ANKRD42: variants seen among roughly 807,000 people sequenced by gnomAD.
ANKRD42 encodes ankyrin repeat domain-containing protein 42.
A neutral mutation model predicts 51.5 loss-of-function variants in ANKRD42; 43 were observed. The ratio of observed to expected loss-of-function variants is 0.83; its 90% CI spans 0.65 to 1.08. The LOEUF is 1.08. Ranked by LOEUF, ANKRD42 falls within the 50% of genes least tolerant of loss-of-function variation. The pLI is 0.00. For missense variants in ANKRD42, 608 were observed against 629.3 expected, an observed-to-expected ratio of 0.97 and a Z score of 0.36; for synonymous variants, 203 against 213.0, an observed-to-expected ratio of 0.95 and a Z score of 0.41.
At chr11:83,262,263 A>T (rs111804832), downstream of ANKRD42, among the ~76,000 whole-genome samples, 304 of 152,278 alleles carry the variant, frequency 2.0e-3, no homozygotes, top group African/African-American at 7.0e-3. Flanking sequence ...AAATAATTAT[A>T]AGCTCTAATT....
rs757252918 is a variant in ANKRD42 at position 83,248,061 on chromosome 11, A to G, written c.1441A>G (p.Ile481Val). The G allele has an allele frequency of 6.3e-7, 1 of 1,594,220 alleles. No individual in the cohort carries two copies. The highest frequency in any genetic ancestry group is 1.3e-5 in the African/African-American group (1 of 74,328). The change falls in exon 11 of 11, where the codon ATT becomes GTT. Residue 481 changes from isoleucine to valine, a missense_variant. By Grantham distance (29) the Ile-to-Val change is conservative (BLOSUM62 3). Coordinates refer to ENST00000533342, the MANE Select transcript of ANKRD42 (RefSeq NM_001300975.2). ...TCAACTCAGGGAAACACTGGAAAAA[A>G]TTCAAGTCCCAAACTTTGTGGCTAT... ...VDQLRETLEK[I>V]QVPNFVAMVG...
intron 6 of ANKRD42, among the ~76,000 whole-genome samples, chr11:83,227,195 C>T (rs888949967): frequency 5.3e-5 from 8 of 152,100 alleles, no homozygotes. Context: ...TCACTGCAAC[C>T]TCCACCTCCC....
chr11:83,252,134 A>G (rs1863686347), downstream of ANKRD42, among the ~76,000 whole-genome samples: 1 of 152,248 alleles, frequency 6.6e-6, no homozygotes, highest in East Asian at 1.9e-4. Flanking sequence ...AAGATATCCA[A>G]GTGGCCAATA....
rs1413617216 is a variant in ANKRD42, at chr11:83,248,516, T to C, written c.*312T>C. 9.7e-7 allele frequency: 1 copy of C among 1,025,876 alleles called. No individual in the cohort carries two copies. The highest frequency in any genetic ancestry group is 1.2e-6 in the Non-Finnish European group (1 of 856,492). The allele number at this position is 1,025,876 out of a possible 1,614,324, so 63.5% of individuals were successfully genotyped here. A position where few individuals can be genotyped will look rare whatever the true frequency, so the allele number is the denominator to read the frequency against. The stretch of plus-strand genomic sequence containing the variant: ...GATATGTATATTTTAATATTCTAAA[T>C]AACCAAAATAAAGTGCTTTGAATGG... On this transcript the variant is annotated 3_prime_UTR_variant, in exon 11 of 11. Transcript: ENST00000533342.
At chr11:83,262,741 C>T (rs936050294), downstream of ANKRD42, among the ~76,000 whole-genome samples, 7 of 152,070 alleles carry the variant, frequency 4.6e-5, no homozygotes, top group Non-Finnish European at 8.8e-5. Context: ...TGTACACCAC[C>T]CCATTTGATC....
chr11:83,262,999 T>G (rs1864019567), downstream of ANKRD42, among the ~76,000 whole-genome samples: 1 of 152,172 alleles, frequency 6.6e-6, no homozygotes, highest in Admixed American at 6.5e-5. Context: ...ATTATCCCCA[T>G]TGTACAGATG....
chr11:83,214,493 A>G lies in ANKRD42; in HGVS notation c.586+3063A>G, dbSNP rs114820228. 2,254 of 979,104 alleles carry G rather than the reference A, an allele frequency of 2.3e-3. 37 individuals are homozygous for G. The African/African-American group carries it at 0.035, about 15-fold the overall frequency. The allele number at this position is 979,104 out of a possible 1,614,324, so 60.7% of individuals were successfully genotyped here. The stretch of plus-strand genomic sequence containing the variant: ...TTAAACATGTATGATTATTTTATTT[A>G]TAACCAGGTAGAGTATTTATAATAA... On this transcript the variant is annotated intron_variant, in intron 5 of 10. Transcript: ENST00000533342.
At chr11:83,209,452 G>GT in intron 3 of ANKRD42, 2 of 1,521,624 alleles carry the variant, frequency 1.3e-6, no homozygotes, top group South Asian at 2.3e-5. Flanking sequence ...AGGAGTTTGA[G>GT]TATCGACATG....
chr11:83,236,362 T>C (rs1264235821), intron 7 of ANKRD42, 42 bp from the exon 8 acceptor site: 11 of 1,533,120 alleles, frequency 7.2e-6, no homozygotes, highest in Non-Finnish European at 9.7e-6. Context: ...ATAACTAACT[T>C]TTTTGTGTGT....
chr11:83,228,421 G>C (rs1862965038), intron 7 of ANKRD42, among the ~76,000 whole-genome samples: 1 of 151,274 alleles, frequency 6.6e-6, no homozygotes, highest in African/African-American at 2.4e-5. Context: ...ATAGAGATGG[G>C]GTTTCACCAT....
In ANKRD42 at chr11:83,248,558, C is replaced by T. The variant is rs1863611758; in HGVS notation, c.*354C>T. ...TTTGAATGGAATCCATATTTTCTTT[C>T]CATAGGGAAGTTTCTTCATCAATCA... On this transcript the variant is annotated 3_prime_UTR_variant, in exon 11 of 11. Transcript: ENST00000533342. 1 of 995,320 alleles carries T rather than the reference C, an allele frequency of 1.0e-6. No individual in the cohort carries two copies. 61.7% of individuals were successfully genotyped at this position (995,320 alleles called of 1,614,324 possible).
At position 83,248,371 on chromosome 11, in the gene ANKRD42, C is replaced by T. The variant is rs1863607612; in HGVS notation, c.*167C>T. ...AACTATAACTTTCTAGATACATACA[C>T]ACATCTGTCTATCTATCTTCAAACA... On this transcript the variant is annotated 3_prime_UTR_variant, in exon 11 of 11. Transcript: ENST00000533342. The T allele has an allele frequency of 7.5e-7, 1 of 1,331,308 alleles. No homozygotes were observed. The highest frequency in any genetic ancestry group is 9.5e-7 in the Non-Finnish European group (1 of 1,048,484). The allele number at this position is 1,331,308 out of a possible 1,614,324, so 82.5% of individuals were successfully genotyped here. A position where few individuals can be genotyped will look rare whatever the true frequency, so the allele number is the denominator to read the frequency against.
intron 5 of ANKRD42, chr11:83,215,325 T>A (rs1263189324): frequency 6.6e-6 from 1 of 152,158 alleles, no homozygotes; most frequent in East Asian, 1.9e-4. Flanking sequence ...GCATGGAGTA[T>A]CTTTTAGTCT....
intron 7 of ANKRD42, among the ~76,000 whole-genome samples, chr11:83,229,330 G>A (rs1035735574): frequency 6.6e-6 from 1 of 152,080 alleles, no homozygotes; most frequent in Non-Finnish European, 1.5e-5. Flanking sequence ...GGATTCTGAG[G>A]TACTGGAGGT....
downstream of ANKRD42, among the ~76,000 whole-genome samples, chr11:83,251,033 A>G (rs1863665342): frequency 6.6e-6 from 1 of 152,040 alleles, no homozygotes; most frequent in African/African-American, 2.4e-5. Context: ...ATAAGTACTG[A>G]TTCTTCAGTT....
At chr11:83,253,460 A>G (rs79510816), downstream of ANKRD42, among the ~76,000 whole-genome samples, 677 of 152,336 alleles carry the variant, frequency 4.4e-3, 9 homozygotes, top group African/African-American at 0.015. Context: ...GTAGATCCAT[A>G]AACTCTTTCA....
chr11:83,216,110 G>A lies in ANKRD42; in HGVS notation c.586+4680G>A, dbSNP rs1175504791. ...GTGCCTCACCTATTTACATATTTTTGTATTTCCTATCTCTTAACAGGTTGC... is the reference window on the plus strand; with the variant it reads ...GTGCCTCACCTATTTACATATTTTTATATTTCCTATCTCTTAACAGGTTGC... On this transcript the variant is annotated intron_variant, in intron 5 of 10. Coordinates refer to ENST00000533342, the MANE Select transcript of ANKRD42 (RefSeq NM_001300975.2). Among the ~76,000 whole-genome samples, 3 of 151,892 alleles carry A rather than the reference G, an allele frequency of 2.0e-5. No homozygotes were observed. In the East Asian group the frequency reaches 5.8e-4, roughly 30 times the overall value.
intron 2 of ANKRD42, among the ~76,000 whole-genome samples, chr11:83,204,775 C>G (rs11233523): frequency 6.6e-6 from 1 of 151,948 alleles, no homozygotes; most frequent in African/African-American, 2.4e-5. Context: ...AATCACGTAC[C>G]TAAGAACTTG....
chr11:83,200,248 C>T (rs1861816313), intron 2 of ANKRD42, among the ~76,000 whole-genome samples: 1 of 152,136 alleles, frequency 6.6e-6, no homozygotes, highest in Non-Finnish European at 1.5e-5. Flanking sequence ...ACTCACTCCT[C>T]CTATTGTGTA....
Sources: gnomAD v4.1 joint callset for allele counts (sites outside exome capture counted in the v4.1 genomes callset) on GRCh38, gnomAD v4.1.1 for gene constraint, MANE v1.5 for transcripts, NCBI Gene and HGNC (gene_info 2026-07-23, HGNC 2026-07-21) for gene names.